Variants in HIGD1C observed in about 807,000 individuals in gnomAD.
HIGD1C encodes HIG1 domain family member 1C.
In HIGD1C, 11 loss-of-function variants were observed where a neutral mutation model predicts 13.1. The ratio of observed to expected loss-of-function variants is 0.84; its 90% confidence interval spans 0.53 to 1.39. The LOEUF is 1.39. HIGD1C is among the 40% of genes most tolerant of loss of function. HIGD1C has a pLI of 0.00. For synonymous variants in HIGD1C, 36 were observed against 37.7 expected (o/e 0.95, Z 0.17); for missense variants, 110 against 112.0 (o/e 0.98, Z 0.08).
chr12:50,938,540 G>A, the HIGD1C span, among the ~76,000 whole-genome samples: 4 of 152,156 alleles, frequency 2.6e-5, no homozygotes, highest in African/African-American at 9.7e-5. Flanking sequence ...TAGGGCACAG[G>A]GCTCCTTCCT....
At chr12:50,953,201 A>G (rs1938962490), upstream of HIGD1C, among the ~76,000 whole-genome samples, 1 of 152,164 alleles carries the variant, frequency 6.6e-6, no homozygotes, top group Admixed American at 6.5e-5. Context: ...GTTCTGATCT[A>G]CAGCCTCTTG....
In HIGD1C at chr12:50,954,113, G is replaced by C. The variant is rs772878465; in HGVS notation, c.94+21G>C. 36 of 1,423,562 alleles carry C rather than the reference G, an allele frequency of 2.5e-5. No homozygotes were observed. The East Asian group carries it at 8.0e-4, about 32-fold the overall frequency. 88.2% of individuals were successfully genotyped at this position (1,423,562 alleles called of 1,614,324 possible). On this transcript the variant is annotated intron_variant, in intron 1 of 2. Coordinates refer to ENST00000398455, the Ensembl canonical transcript of HIGD1C. ...TATAGGTAAGTACAAGCCTTGACTG[G>C]ATGCAGAAAACTGTAATAACACAAT... is the stretch of plus-strand genomic sequence containing the variant.
At chr12:50,972,500 A>G (rs1440481353), downstream of HIGD1C, among the ~76,000 whole-genome samples, 1 of 152,196 alleles carries the variant, frequency 6.6e-6, no homozygotes, top group African/African-American at 2.4e-5. Flanking sequence ...AGCCATTGCC[A>G]TGTTCTGGGG....
At chr12:50,942,953 C>T in the HIGD1C span, among the ~76,000 whole-genome samples, 1 of 151,200 alleles carries the variant, frequency 6.6e-6, no homozygotes, top group South Asian at 2.1e-4. Flanking sequence ...GCAACCTCAG[C>T]CTCCCAGGTT....
At chr12:50,955,475 GT>G (rs1424862360) in intron 1 of HIGD1C, among the ~76,000 whole-genome samples, 2 of 152,120 alleles carry the variant, frequency 1.3e-5, no homozygotes, top group African/African-American at 4.8e-5. Flanking sequence ...AGCCATGCCT[GT>G]TTCCTTGTGT....
chr12:50,946,029 G>T, the HIGD1C span, among the ~76,000 whole-genome samples: 17 of 152,100 alleles, frequency 1.1e-4, no homozygotes, highest in African/African-American at 2.9e-4. Context: ...GCTAGCCATA[G>T]GTAGAAAGCT....
chr12:50,961,187 G>A (rs569185748), intron 2 of HIGD1C, 85 bp downstream of exon 4: 5 of 1,373,372 alleles, frequency 3.6e-6, no homozygotes, highest in Middle Eastern at 4.3e-4. Flanking sequence ...GAAGATGAAT[G>A]TTGGGTCACA....
At chr12:50,947,152 C>T in the HIGD1C span, among the ~76,000 whole-genome samples, 1 of 152,138 alleles carries the variant, frequency 6.6e-6, no homozygotes, top group African/African-American at 2.4e-5. Context: ...GTGACACGTC[C>T]ACCCTTTCCT....
At chr12:50,946,927 A>T in the HIGD1C span, among the ~76,000 whole-genome samples, 2 of 152,148 alleles carry the variant, frequency 1.3e-5, no homozygotes, top group African/African-American at 2.4e-5. Flanking sequence ...AATAAATAAA[A>T]ACAAAAAATA....
intron 2 of HIGD1C, among the ~76,000 whole-genome samples, chr12:50,967,123 AAAAAG>A (rs1205831594): frequency 6.6e-6 from 1 of 151,826 alleles, no homozygotes; most frequent in African/African-American, 2.4e-5. Context: ...CAAAAAAAAA[AAAAAG>A]AAAGAGAAAT....
chr12:50,942,125 G>A, the HIGD1C span, among the ~76,000 whole-genome samples: 2 of 152,104 alleles, frequency 1.3e-5, no homozygotes, highest in Non-Finnish European at 2.9e-5. Context: ...CAAGCAATCC[G>A]CCCACCTCAG....
the HIGD1C span, among the ~76,000 whole-genome samples, chr12:50,932,722 G>T: frequency 3.9e-5 from 6 of 152,204 alleles, no homozygotes; most frequent in African/African-American, 1.4e-4. Flanking sequence ...GATCATGTTT[G>T]GCTACTTTAA....
intron 2 of HIGD1C, among the ~76,000 whole-genome samples, chr12:50,963,388 A>AAAAAAG (rs1939419819): frequency 6.8e-6 from 1 of 147,082 alleles, no homozygotes; most frequent in African/African-American, 2.5e-5. Context: ...AAAAAAAAAA[A>AAAAAAG]AAAAAGAAAA....
downstream of HIGD1C, among the ~76,000 whole-genome samples, chr12:50,972,175 C>T (rs1250290803): frequency 6.6e-6 from 1 of 152,188 alleles, no homozygotes; most frequent in African/African-American, 2.4e-5. Context: ...AAAAGTATTT[C>T]TAACCAGGCC....
the HIGD1C span, among the ~76,000 whole-genome samples, chr12:50,932,738 CA>C: frequency 3.5e-4 from 54 of 152,176 alleles, no homozygotes; most frequent in African/African-American, 1.3e-3. Context: ...TTTAAAAAAG[CA>C]AAAAAGTTCA....
chr12:50,951,136 T>A (rs898876102), upstream of HIGD1C, among the ~76,000 whole-genome samples: 11 of 152,050 alleles, frequency 7.2e-5, no homozygotes, highest in Middle Eastern at 3.2e-3. Context: ...AAGTACCTGT[T>A]CAGAAACTAC....
the HIGD1C span, among the ~76,000 whole-genome samples, chr12:50,937,053 C>T: frequency 6.6e-6 from 1 of 152,244 alleles, no homozygotes; most frequent in Non-Finnish European, 1.5e-5. Flanking sequence ...ACATGTCAGA[C>T]ACATTGCTTA....
the HIGD1C span, among the ~76,000 whole-genome samples, chr12:50,945,992 A>G: frequency 6.6e-6 from 1 of 152,172 alleles, no homozygotes; most frequent in Non-Finnish European, 1.5e-5. Context: ...AGGATTCCCT[A>G]TTTAATAAAT....
At chr12:50,958,447 A>G (rs985305876) in intron 1 of HIGD1C, among the ~76,000 whole-genome samples, 2 of 150,750 alleles carry the variant, frequency 1.3e-5, no homozygotes, top group Non-Finnish European at 3.0e-5. Context: ...ACACCCGGCT[A>G]ATTTTTTGTA....
Sources: gnomAD v4.1 joint callset for allele counts (sites outside exome capture counted in the v4.1 genomes callset) on GRCh38, gnomAD v4.1.1 for gene constraint, MANE v1.5 for transcripts, NCBI Gene and HGNC (gene_info 2026-07-23, HGNC 2026-07-21) for gene names.